The following SOAT1 variants were observed in gnomAD, a reference collection of about 807,000 sequenced individuals.
SOAT1 encodes the protein acyl-coenzyme A:cholesterol acyltransferase 1.
Under a neutral mutation model 69.5 loss-of-function variants are expected in SOAT1, and 55 were observed. The ratio of observed to expected loss-of-function variants is 0.79; its 90% confidence interval spans 0.64 to 0.99. The LOEUF is 0.99. Ranked by LOEUF, SOAT1 falls within the 50% of genes least tolerant of loss-of-function variation. SOAT1 has a pLI of 0.00. For synonymous variants in SOAT1, 231 were observed against 224.7 expected (o/e 1.03, Z -0.25); for missense variants, 580 against 669.3 (o/e 0.87, Z 1.47).
chr1:179,335,418 C>A, intron 3 of SOAT1, 88 bp from the exon 4 acceptor site: 2 of 1,137,442 alleles, frequency 1.8e-6, no homozygotes, highest in Non-Finnish European at 2.5e-6. Flanking sequence ...TTTGATCCAG[C>A]TCTGTTTAAG....
chr1:179,341,272 C>G lies in SOAT1; in HGVS notation c.742C>G (p.Leu248Val). The G allele has an allele frequency of 6.2e-7, 1 of 1,614,106 alleles. No homozygotes were observed. The highest frequency in any genetic ancestry group is 8.5e-7 in the Non-Finnish European group (1 of 1,180,010). ...GPTYVVLAYT[L>V]PPASRFIIIF... ...AACATATGTTGTGTTAGCATATACA[C>G]TGCCACCAGCTTCCCGGTTCATCAT... The change falls in exon 7 of 16, where the codon CTG (leucine) becomes GTG (valine). Residue 248 changes from leucine (L) to valine (V), a missense_variant. Coordinates refer to ENST00000367619, the MANE Select transcript of SOAT1 (RefSeq NM_003101.6).
intron 3 of SOAT1, among the ~76,000 whole-genome samples, chr1:179,328,453 A>G (rs1021591435): frequency 1.3e-5 from 2 of 152,224 alleles, no homozygotes; most frequent in African/African-American, 4.8e-5. Flanking sequence ...TAAAGTTCCC[A>G]CTCACTTTCT....
intron 4 of SOAT1, among the ~76,000 whole-genome samples, chr1:179,337,121 T>C (rs1666187671): frequency 6.6e-6 from 1 of 152,210 alleles, no homozygotes; most frequent in Admixed American, 6.5e-5. Flanking sequence ...GTGAAGGCTA[T>C]CAAAGGCTAA....
Position 179,345,163 on chromosome 1 carries a change from A to G in SOAT1, c.1117+87A>G. 5.9e-6 allele frequency: 8 copies of G among 1,353,772 alleles called. 1 individual carries two copies. Among genetic ancestry groups the G allele is most frequent in the South Asian group, 5.0e-5 (4 of 80,402 alleles). The allele number at this position is 1,353,772 out of a possible 1,614,324, so 83.9% of individuals were successfully genotyped here. A position where few individuals can be genotyped will look rare whatever the true frequency, so the allele number is the denominator to read the frequency against. ...GCCTATGAGCACCTTTGCTTTGCCT[A>G]CTTTTTCATCTAAACTTCTATACAT... On this transcript the variant is annotated intron_variant, in intron 11 of 15. Transcript: ENST00000367619.
chr1:179,336,163 A>G (rs889332584), intron 4 of SOAT1, among the ~76,000 whole-genome samples: 3 of 151,184 alleles, frequency 2.0e-5, no homozygotes, highest in African/African-American at 7.3e-5. Context: ...AAAAAAAAAA[A>G]AAAAGACTGA....
chr1:179,347,959 A>G (rs1666593312), intron 12 of SOAT1, among the ~76,000 whole-genome samples: 1 of 152,198 alleles, frequency 6.6e-6, no homozygotes, highest in Non-Finnish European at 1.5e-5. Context: ...TATATTGGTG[A>G]TTCCAGTAGG....
intron 3 of SOAT1, among the ~76,000 whole-genome samples, chr1:179,329,825 T>C (rs1665914985): frequency 6.6e-6 from 1 of 152,118 alleles, no homozygotes; most frequent in African/African-American, 2.4e-5. Flanking sequence ...GTGATTATTG[T>C]GTAAGTTAAG....
intron 2 of SOAT1, among the ~76,000 whole-genome samples, chr1:179,303,926 G>A (rs1053240819): frequency 2.0e-5 from 3 of 152,140 alleles, no homozygotes; most frequent in African/African-American, 7.2e-5. Flanking sequence ...TATTTTAATT[G>A]AAACTTTCTG....
intron 14 of SOAT1, among the ~76,000 whole-genome samples, chr1:179,350,970 G>A (rs1666702183): frequency 6.6e-6 from 1 of 150,638 alleles, no homozygotes. Context: ...GCAGATACCT[G>A]AGGTCCCTCA....
intron 15 of SOAT1, among the ~76,000 whole-genome samples, chr1:179,352,796 T>A (rs1666780119): frequency 6.6e-6 from 1 of 152,108 alleles, no homozygotes; most frequent in South Asian, 2.1e-4. Context: ...ACCCTATGTC[T>A]GTTAGGCTGC....
chr1:179,327,882 C>T (rs751568510), intron 3 of SOAT1, among the ~76,000 whole-genome samples: 2 of 152,086 alleles, frequency 1.3e-5, no homozygotes, highest in Non-Finnish European at 2.9e-5. Context: ...AAGGTCGCCT[C>T]GAGGTCTAAC....
chr1:179,325,097 G>A (rs1193738443), intron 3 of SOAT1, among the ~76,000 whole-genome samples: 1 of 150,734 alleles, frequency 6.6e-6, no homozygotes. Flanking sequence ...TACCACACCC[G>A]GCTGGCACGT....
intron 12 of SOAT1, among the ~76,000 whole-genome samples, chr1:179,348,408 A>G (rs1666605032): frequency 6.6e-6 from 1 of 152,134 alleles, no homozygotes; most frequent in Admixed American, 6.6e-5. Flanking sequence ...CTCACCCTGG[A>G]TAATTTTGCC....
chr1:179,297,798 G>A (rs112488899), intron 1 of SOAT1, among the ~76,000 whole-genome samples: 9 of 150,500 alleles, frequency 6.0e-5, no homozygotes, highest in African/African-American at 1.2e-4. Context: ...TTGGGAGGCC[G>A]AGGCAGGCGG....
chr1:179,351,885 A>C (rs922101715), intron 15 of SOAT1, among the ~76,000 whole-genome samples: 1 of 151,384 alleles, frequency 6.6e-6, no homozygotes, highest in Admixed American at 6.6e-5. Context: ...ATGCCCGCTA[A>C]ATTTTTGTAT....
intron 3 of SOAT1, among the ~76,000 whole-genome samples, chr1:179,334,716 AAG>A (rs1666084999): frequency 6.6e-6 from 1 of 152,140 alleles, no homozygotes; most frequent in African/African-American, 2.4e-5. Context: ...GAGATTGTGA[AAG>A]AAATTTACAA....
In SOAT1 at chr1:179,344,352, G is replaced by GTTTTTTTTTTTTTTTT. The variant is rs762911049; in HGVS notation, c.988-595_988-594insTTTTTTTTTTTTTTTT. ...TATGAAGTAAGTTCTTTCATTAAGGGGTTTTTTTTTTTTTTTTTTTTTTTT... is the reference window on the plus strand; with the variant it reads ...TATGAAGTAAGTTCTTTCATTAAGGGTTTTTTTTTTTTTTTTGTTTTTTTTTTTTTTTTTTTTTTTT... On this transcript the variant is annotated intron_variant, in intron 10 of 15. Coordinates refer to ENST00000367619, the MANE Select transcript of SOAT1 (RefSeq NM_003101.6). Among the ~76,000 whole-genome samples the GTTTTTTTTTTTTTTTT allele has an allele frequency of 5.0e-5, 6 of 120,562 alleles. 2 individuals are homozygous for GTTTTTTTTTTTTTTTT. The highest frequency in any genetic ancestry group is 4.4e-3 in the Middle Eastern group (1 of 228). 79.1% of individuals were successfully genotyped at this position (120,562 alleles called of 152,430 possible).
intron 1 of SOAT1, among the ~76,000 whole-genome samples, chr1:179,295,966 ATTTTTTTTTTTTTTTTTTT>A (rs58893158): frequency 3.8e-4 from 20 of 51,980 alleles, no homozygotes; most frequent in African/African-American, 5.2e-4. Context: ...CGCCCGGCTA[ATTTTTTTTTTTTTTTTTTT>A]TTTTTTTTTT....
intron 10 of SOAT1, among the ~76,000 whole-genome samples, chr1:179,344,352 GGTTTTTTTT>G (rs71111911): frequency 0.021 from 2,478 of 120,386 alleles, 476 homozygotes; most frequent in Non-Finnish European, 0.031. Context: ...TTCATTAAGG[GGTTTTTTTT>G]TTTTTTTTTT....
Sources: gnomAD v4.1 joint callset for allele counts (sites outside exome capture counted in the v4.1 genomes callset) on GRCh38, gnomAD v4.1.1 for gene constraint, MANE v1.5 for transcripts, NCBI Gene and HGNC (gene_info 2026-07-23, HGNC 2026-07-21) for gene names.